The following MINDY4 variants were observed in gnomAD, a reference collection of about 807,000 sequenced individuals.
The protein encoded by MINDY4 is probable ubiquitin carboxyl-terminal hydrolase MINDY-4.
A neutral mutation model predicts 87.0 loss-of-function variants in MINDY4; 68 were observed. The observed-to-expected ratio is 0.78, with a 90% CI of 0.64 to 0.96. The LOEUF is 0.96. Among genes scored for constraint, MINDY4 ranks in the 40% least tolerant of loss-of-function variants. MINDY4 has a pLI of 0.00. For synonymous variants in MINDY4, 379 were observed against 363.2 expected, an observed-to-expected ratio of 1.04 and a Z score of -0.50; for missense variants, 919 against 928.2, an observed-to-expected ratio of 0.99 and a Z score of 0.13.
chr7:30,785,406 G>A (rs889171449), intron 3 of MINDY4, among the ~76,000 whole-genome samples: 4 of 152,078 alleles, frequency 2.6e-5, no homozygotes, highest in African/African-American at 9.7e-5. Flanking sequence ...GCTGGGCTTC[G>A]CATACCGCAT....
intron 9 of MINDY4, among the ~76,000 whole-genome samples, chr7:30,844,689 C>T (rs1037511382): frequency 6.6e-6 from 1 of 152,216 alleles, no homozygotes; most frequent in African/African-American, 2.4e-5. Flanking sequence ...GGTGTCTAGC[C>T]TGTAGATGTT....
In MINDY4 at chr7:30,791,072, G is replaced by T; in HGVS notation, c.664-93G>T. Reference sequence around the variant, plus strand: ...GGTGGGAAAAGACATTCCTGGGAGAGACATCACATCATGGGCAAATGCTTG... The same window carrying T: ...GGTGGGAAAAGACATTCCTGGGAGATACATCACATCATGGGCAAATGCTTG... On this transcript the variant is annotated intron_variant, in intron 4 of 17. Transcript: ENST00000265299. The T allele has an allele frequency of 2.5e-6, 3 of 1,208,786 alleles. No individual in the cohort carries two copies. In the South Asian group the frequency reaches 4.5e-5, roughly 18 times the overall value. The allele number at this position is 1,208,786 out of a possible 1,614,324, so 74.9% of individuals were successfully genotyped here.
chr7:30,879,619 G>A lies in MINDY4; in HGVS notation c.1972-2562G>A, dbSNP rs80098877. Reference sequence around the variant, plus strand: ...CTCCCACCTCCTGGCCTTTGTGCACGCTGCACCCTCCACCTGCCCAGCTTT... The same window carrying A: ...CTCCCACCTCCTGGCCTTTGTGCACACTGCACCCTCCACCTGCCCAGCTTT... On this transcript the variant is annotated intron_variant, in intron 15 of 17. Coordinates refer to ENST00000265299, the MANE Select transcript of MINDY4 (RefSeq NM_032222.3). Among the ~76,000 whole-genome samples the A allele has an allele frequency of 4.1e-3, 625 of 152,276 alleles. 5 individuals carry two copies. The highest frequency in any genetic ancestry group is 0.033 in the East Asian group (173 of 5,174).
chr7:30,868,004 T>C (rs916444279), intron 13 of MINDY4, among the ~76,000 whole-genome samples: 7 of 152,194 alleles, frequency 4.6e-5, no homozygotes, highest in Admixed American at 4.6e-4. Context: ...ACTCACCCAG[T>C]CAGGGGCCGA....
At chr7:30,791,119 G>T in intron 4 of MINDY4, 46 bp from the exon 5 acceptor site, 3 of 1,517,106 alleles carry the variant, frequency 2.0e-6, no homozygotes, top group Non-Finnish European at 2.7e-6. Flanking sequence ...TTGTTTTCCA[G>T]CTCCCCTCAA....
intron 5 of MINDY4, among the ~76,000 whole-genome samples, chr7:30,792,003 G>C (rs1031613439): frequency 1.4e-4 from 21 of 152,234 alleles, no homozygotes; most frequent in African/African-American, 4.6e-4. Flanking sequence ...TGCTTTAGCA[G>C]ATGGTCCCAA....
intron 9 of MINDY4, among the ~76,000 whole-genome samples, chr7:30,843,037 G>A (rs1789090142): frequency 2.0e-5 from 3 of 152,094 alleles, no homozygotes; most frequent in African/African-American, 4.8e-5. Context: ...CACATCTGCC[G>A]CCACCTACTA....
intron 13 of MINDY4, among the ~76,000 whole-genome samples, chr7:30,866,661 C>T (rs1264086770): frequency 6.6e-6 from 1 of 152,130 alleles, no homozygotes; most frequent in Non-Finnish European, 1.5e-5. Context: ...TAGCAGGGCT[C>T]TGAGGGATAA....
At chr7:30,878,450 G>A (rs1790348715) in intron 15 of MINDY4, among the ~76,000 whole-genome samples, 1 of 152,150 alleles carries the variant, frequency 6.6e-6, no homozygotes, top group Non-Finnish European at 1.5e-5. Flanking sequence ...TGTCCTGCCG[G>A]ACCTCCATGG....
rs146068342 is a variant in MINDY4 at position 30,864,152 on chromosome 7, G to A, written c.1745+4828G>A. On this transcript the variant is annotated intron_variant, in intron 13 of 17. Coordinates refer to ENST00000265299, the MANE Select transcript of MINDY4 (RefSeq NM_032222.3). ...TGCCCAAAGGCAGTCTTGAAAGTCC[G>A]GAAGAGGTGGTAGCTTCTCATTTGC... 3.0e-3 allele frequency among the ~76,000 whole-genome samples: 463 copies of A among 152,354 alleles called. 2 individuals carry two copies. The highest frequency in any genetic ancestry group is 0.011 in the African/African-American group (437 of 41,578).
chr7:30,835,770 T>C (rs1317613731), intron 6 of MINDY4, among the ~76,000 whole-genome samples: 1 of 152,248 alleles, frequency 6.6e-6, no homozygotes, highest in Non-Finnish European at 1.5e-5. Context: ...TTCACTCTGC[T>C]CAGCCTTGCC....
intron 5 of MINDY4, 87 bp downstream of exon 5, chr7:30,791,661 A>G: frequency 7.4e-7 from 1 of 1,357,698 alleles, no homozygotes; most frequent in Non-Finnish European, 1.0e-6. Context: ...TCCGAAGGGA[A>G]CTTCTTAGTC....
chr7:30,890,923 G>A (rs1156793112), intron 17 of MINDY4, among the ~76,000 whole-genome samples: 1 of 152,070 alleles, frequency 6.6e-6, no homozygotes, highest in Admixed American at 6.5e-5. Context: ...TCCAATGTCA[G>A]GAATCCTCGA....
At position 30,782,300 on chromosome 7, in the gene MINDY4, C is replaced by T. The variant is rs568326719; in HGVS notation, c.419+88C>T. On this transcript the variant is annotated intron_variant, in intron 3 of 17. Transcript: ENST00000265299. ...CTTCATGGCTGTTTCAGTCAGTATT[C>T]TCCAGAGGAACAGAATCAATATAGT... 1.6e-4 allele frequency: 155 copies of T among 973,578 alleles called. 1 individual carries two copies. In the African/African-American group the frequency reaches 2.2e-3, roughly 14 times the overall value. 60.3% of individuals were successfully genotyped at this position (973,578 alleles called of 1,614,324 possible).
chr7:30,891,702 G>A (rs16875372), intron 17 of MINDY4, among the ~76,000 whole-genome samples: 1 of 152,212 alleles, frequency 6.6e-6, no homozygotes, highest in African/African-American at 2.4e-5. Flanking sequence ...CGCAAAGTAG[G>A]TTGTGGCACA....
chr7:30,822,616 G>A (rs1788372307), intron 5 of MINDY4, among the ~76,000 whole-genome samples: 1 of 97,426 alleles, frequency 1.0e-5, no homozygotes, highest in Non-Finnish European at 1.9e-5. Context: ...CTTGGTTGAC[G>A]TGCCTGTCTA....
intron 5 of MINDY4, among the ~76,000 whole-genome samples, chr7:30,815,371 C>T (rs557757129): frequency 6.6e-5 from 10 of 152,354 alleles, no homozygotes; most frequent in African/African-American, 2.4e-4. Context: ...CCAGGAAGCC[C>T]TAATCAGAGG....
rs1253942888 is a variant in MINDY4 at position 30,839,354 on chromosome 7, G to A, written c.1356+38G>A. The A allele has an allele frequency of 3.0e-6, 4 of 1,339,052 alleles. No homozygotes were observed. In the Admixed American group the frequency reaches 8.1e-5, roughly 27 times the overall value. 82.9% of individuals were successfully genotyped at this position (1,339,052 alleles called of 1,614,324 possible). ...TAGGTTTCCTTGGGACCTTTCTGCT[G>A]GGCCATCATGCATAGGGGTGGGTGT... On this transcript the variant is annotated intron_variant, in intron 8 of 17. Transcript: ENST00000265299.
chr7:30,886,641 G>T (rs1322349901), intron 17 of MINDY4, among the ~76,000 whole-genome samples: 3 of 152,254 alleles, frequency 2.0e-5, no homozygotes, highest in Admixed American at 2.0e-4. Flanking sequence ...TTAGTGGGCA[G>T]TGACTTCCCA....
Sources: gnomAD v4.1 joint callset for allele counts (sites outside exome capture counted in the v4.1 genomes callset) on GRCh38, gnomAD v4.1.1 for gene constraint, MANE v1.5 for transcripts, NCBI Gene and HGNC (gene_info 2026-07-23, HGNC 2026-07-21) for gene names.